WDFY3: variants seen among roughly 807,000 people sequenced by gnomAD.
The protein encoded by WDFY3 is WD repeat and FYVE domain containing 3.
WDFY3 carries 66 observed loss-of-function variants against 409.6 expected under a neutral mutation model. That is an observed-to-expected ratio of 0.16 (90% CI 0.13 to 0.20). The LOEUF (loss-of-function observed/expected upper bound fraction) is 0.20, where lower values mean the gene tolerates loss of function less well. WDFY3 is among the 10% of genes least tolerant of loss of function. The pLI, the probability that WDFY3 is intolerant of heterozygous loss-of-function variation, is 1.00. For synonymous variants in WDFY3, 1,521 were observed against 1,537.1 expected (o/e 0.99, Z 0.25); for missense variants, 3,031 against 4,298.1 (o/e 0.71, Z 8.24).
chr4:84,898,165 A>G (rs1765881673), intron 2 of WDFY3, among the ~76,000 whole-genome samples: 1 of 152,248 alleles, frequency 6.6e-6, no homozygotes, highest in Admixed American at 6.5e-5. Flanking sequence ...AGTGCTCAAC[A>G]GCTATTATGT....
intron 1 of WDFY3, among the ~76,000 whole-genome samples, chr4:84,961,564 A>G (rs1039573571): frequency 4.6e-5 from 7 of 152,226 alleles, no homozygotes; most frequent in Non-Finnish European, 5.9e-5. Context: ...TTTTAACAAC[A>G]TGAAAGATGA....
rs938470395 is a variant in WDFY3 at position 84,727,035 on chromosome 4, A to G, written c.7222-124T>C. 2.2e-5 allele frequency: 17 copies of G among 787,502 alleles called. No homozygotes were observed. The East Asian group carries it at 4.5e-4, about 21-fold the overall frequency. The allele number at this position is 787,502 out of a possible 1,614,324, so 48.8% of individuals were successfully genotyped here. On this transcript the variant is annotated intron_variant, in intron 44 of 67. Transcript: ENST00000295888. Reference sequence around the variant, plus strand: ...ATGTAGTTACTCAAACAAAATTAACATGATAGCCTAAGCAGCTTAAATAAT... The same window carrying G: ...ATGTAGTTACTCAAACAAAATTAACGTGATAGCCTAAGCAGCTTAAATAAT...
rs145936420 is a variant in WDFY3 at position 84,817,502 on chromosome 4, T to C, written c.1777A>G (p.Ile593Val). 67 of 1,613,810 alleles carry C rather than the reference T, an allele frequency of 4.2e-5. No individual in the cohort carries two copies. Among genetic ancestry groups the C allele is most frequent in the Middle Eastern group, 1.7e-4 (1 of 6,054 alleles). ...PQCRQHALMT[I>V]QQLVLSPNGD... ...TTTGGGGAGAGCACCAGCTGTTGGA[T>C]AGTCATCAAGGCATGCTGCCGGCAT... Residue 593 changes from isoleucine to valine, a missense_variant, in exon 13 of 68, where the codon ATC (isoleucine) becomes GTC (valine). Physicochemically the swap from Ile to Val is conservative, Grantham distance 29 (BLOSUM62 3). Coordinates refer to ENST00000295888, the MANE Select transcript of WDFY3 (RefSeq NM_014991.6).
intron 9 of WDFY3, 22 bp from the exon 10 acceptor site, chr4:84,827,003 A>G: frequency 6.3e-7 from 1 of 1,591,828 alleles, no homozygotes; most frequent in Non-Finnish European, 8.5e-7. Flanking sequence ...TGATTTAGAA[A>G]GTATTTTTTT....
chr4:84,715,958 A>G (rs1733822662), intron 49 of WDFY3, among the ~76,000 whole-genome samples: 1 of 151,606 alleles, frequency 6.6e-6, no homozygotes, highest in Non-Finnish European at 1.5e-5. Flanking sequence ...ATAAAATTAT[A>G]GTAAGGATGT....
chr4:84,955,004 A>C (rs929794253), intron 1 of WDFY3, among the ~76,000 whole-genome samples: 4 of 152,176 alleles, frequency 2.6e-5, no homozygotes, highest in Non-Finnish European at 1.5e-5. Context: ...CAGGAGTTGA[A>C]GACCAGCCTG....
At chr4:84,800,787 T>C (rs1415591500) in intron 17 of WDFY3, among the ~76,000 whole-genome samples, 1 of 152,192 alleles carries the variant, frequency 6.6e-6, no homozygotes, top group Non-Finnish European at 1.5e-5. Context: ...GTGCCCAACC[T>C]AGATCCCTTG....
rs540461024 is a variant in WDFY3 at position 84,766,985 on chromosome 4, G to A, written c.4850-613C>T. Among the ~76,000 whole-genome samples the A allele has an allele frequency of 5.9e-5, 9 of 152,284 alleles. 1 individual carries two copies. The South Asian group carries it at 1.9e-3, about 32-fold the overall frequency. ...GAGTTCTAGGCCCAGCTCTCCTCCA[G>A]CAGAGCTATGAGTTACTGAGTCACA... On this transcript the variant is annotated intron_variant, in intron 30 of 67. Transcript: ENST00000295888.
chr4:84,818,477 G>A (rs942436178), intron 12 of WDFY3, among the ~76,000 whole-genome samples: 3 of 152,068 alleles, frequency 2.0e-5, no homozygotes, highest in Admixed American at 6.6e-5. Context: ...CTCCTGATTT[G>A]TGTTTCAATA....
At chr4:84,803,590 A>G in intron 15 of WDFY3, 123 bp from the exon 16 acceptor site, 1 of 1,074,398 alleles carries the variant, frequency 9.3e-7, no homozygotes, top group Non-Finnish European at 1.3e-6. Flanking sequence ...TTGGGATAGA[A>G]AAAAAGGAAT....
chr4:84,762,998 G>A (rs1448676986), intron 32 of WDFY3, among the ~76,000 whole-genome samples: 2 of 151,650 alleles, frequency 1.3e-5, no homozygotes, highest in African/African-American at 4.9e-5. Flanking sequence ...GACATCAAGT[G>A]GTTATTTTAT....
intron 15 of WDFY3, chr4:84,804,257 C>T (rs1016622456): frequency 2.0e-5 from 3 of 152,150 alleles, no homozygotes; most frequent in Non-Finnish European, 2.9e-5. Context: ...GAAACAGATG[C>T]TTGTGGCTTC....
chr4:84,779,738 C>A (rs1200225788), intron 26 of WDFY3, among the ~76,000 whole-genome samples: 1 of 152,084 alleles, frequency 6.6e-6, no homozygotes, highest in African/African-American at 2.4e-5. Context: ...ATGGATTTGG[C>A]AATCCTTTCA....
In WDFY3 at chr4:84,696,117, T is replaced by C. The variant is rs1295444624; in HGVS notation, c.8754A>G (p.Lys2918=). 2 of 1,613,982 alleles carry C rather than the reference T, an allele frequency of 1.2e-6. No homozygotes were observed. Among genetic ancestry groups the C allele is most frequent in the Non-Finnish European group, 1.7e-6 (2 of 1,180,018 alleles). ...HEWIDLIFGY[K]QQGPAAVEAV... The stretch of plus-strand genomic sequence containing the variant: ...CTTCTACTGCAGCAGGGCCTTGCTG[T>C]TTATAACCGAAGATTAAGTCAATCC... The change falls in exon 58 of 68, where the codon AAA becomes AAG. Residue 2918 remains lysine, a synonymous_variant. Transcript: ENST00000295888.
chr4:84,679,388 C>T, intron 64 of WDFY3, 146 bp from the exon 65 acceptor site: 1 of 845,128 alleles, frequency 1.2e-6, no homozygotes. Flanking sequence ...AAAGTAAGTG[C>T]CAGGATTTTT....
chr4:84,805,004 T>C (rs1023993245), intron 15 of WDFY3, among the ~76,000 whole-genome samples: 2 of 152,176 alleles, frequency 1.3e-5, no homozygotes, highest in Non-Finnish European at 2.9e-5. Flanking sequence ...CCAAAACTTT[T>C]TAAGCACCCA....
At chr4:84,734,547 A>C (rs1737122576) in intron 43 of WDFY3, among the ~76,000 whole-genome samples, 1 of 152,222 alleles carries the variant, frequency 6.6e-6, no homozygotes, top group South Asian at 2.1e-4. Context: ...CTTTTGAGTA[A>C]TTATGAATTT....
chr4:84,808,291 A>T, intron 15 of WDFY3, 43 bp downstream of exon 15: 1 of 1,480,858 alleles, frequency 6.8e-7, no homozygotes. Context: ...AAAAAAAGGA[A>T]CCCCACACAA....
chr4:84,869,293 A>T (rs192868488), intron 3 of WDFY3, among the ~76,000 whole-genome samples: 1 of 152,320 alleles, frequency 6.6e-6, no homozygotes, highest in Non-Finnish European at 1.5e-5. Context: ...CACTAGAATC[A>T]CTTATCCTTT....
Sources: allele counts gnomAD v4.1 joint callset (sites outside exome capture counted in the v4.1 genomes callset), GRCh38; gene constraint gnomAD v4.1.1; transcripts MANE v1.5; gene names NCBI Gene and HGNC (gene_info 2026-07-23, HGNC 2026-07-21).